JAK2: variants seen among roughly 807,000 people sequenced by gnomAD.
JAK2 encodes the protein tyrosine-protein kinase JAK2.
In JAK2, 86 loss-of-function variants were observed where a neutral mutation model predicts 139.3. That is an observed-to-expected ratio of 0.62 (90% CI 0.52 to 0.74). The LOEUF (loss-of-function observed/expected upper bound fraction) is 0.74. Ranked by LOEUF, JAK2 falls within the 30% of genes least tolerant of loss-of-function variation. The pLI, the probability that JAK2 is intolerant of heterozygous loss-of-function variation, is 0.00. For missense variants in JAK2, 1,421 were observed against 1,360.3 expected, an observed-to-expected ratio of 1.04 and a Z score of -0.70; for synonymous variants, 490 against 437.7, an observed-to-expected ratio of 1.12 and a Z score of -1.49.
chr9:5,021,960 C>T lies in JAK2; in HGVS notation c.-25-3C>T, dbSNP rs1587837137. On this transcript the variant is annotated splice_region_variant and splice_polypyrimidine_tract_variant and intron_variant, in intron 2 of 24. Coordinates refer to ENST00000381652, the MANE Select transcript of JAK2 (RefSeq NM_004972.4). ...TTTGTAACTTTATTGTTTTCTCTTA[C>T]AGGCAAATGTTCTGAAAAAGACTCT... The T allele has an allele frequency of 6.5e-7, 1 of 1,534,904 alleles. No homozygotes were observed. The highest frequency in any genetic ancestry group is 2.3e-5 in the East Asian group (1 of 44,410).
chr9:5,110,842 G>C (rs564717054), intron 22 of JAK2: 20 of 460,956 alleles, frequency 4.3e-5, no homozygotes, highest in African/African-American at 1.2e-4. Context: ...CGGGGAAGGT[G>C]GGGGGGACGC....
At chr9:5,024,379 A>G (rs887155208) in intron 3 of JAK2, among the ~76,000 whole-genome samples, 1 of 152,186 alleles carries the variant, frequency 6.6e-6, no homozygotes, top group African/African-American at 2.4e-5. Context: ...ATAATAGAAA[A>G]GAACAAAAAA....
intron 22 of JAK2, chr9:5,098,318 T>G (rs901959652): frequency 6.6e-6 from 1 of 152,256 alleles, no homozygotes; most frequent in African/African-American, 2.4e-5. Flanking sequence ...AGTTAAGTTA[T>G]AGGCTAAATC....
intron 2 of JAK2, among the ~76,000 whole-genome samples, chr9:5,007,226 C>G (rs1185228809): frequency 1.3e-5 from 2 of 152,068 alleles, no homozygotes; most frequent in African/African-American, 4.8e-5. Flanking sequence ...TTCTTCTCGT[C>G]TTGTGTATGA....
At chr9:4,988,420 T>C (rs1194598693) in intron 2 of JAK2, among the ~76,000 whole-genome samples, 4 of 152,302 alleles carry the variant, frequency 2.6e-5, no homozygotes, top group Non-Finnish European at 4.4e-5. Flanking sequence ...GATTCTAAGG[T>C]TTGATAAGTT....
intron 22 of JAK2, among the ~76,000 whole-genome samples, chr9:5,101,747 C>A (rs1431659152): frequency 6.6e-6 from 1 of 152,198 alleles, no homozygotes; most frequent in Admixed American, 6.5e-5. Flanking sequence ...ACTGCAGATA[C>A]CGAGGCAAAC....
chr9:5,008,832 T>A (rs1024033398), intron 2 of JAK2, among the ~76,000 whole-genome samples: 5 of 152,202 alleles, frequency 3.3e-5, no homozygotes, highest in Non-Finnish European at 7.3e-5. Context: ...TCGTCCTCCA[T>A]CTAGAGCTTC....
At chr9:5,069,537 C>T (rs1045704590) in intron 11 of JAK2, among the ~76,000 whole-genome samples, 12 of 151,850 alleles carry the variant, frequency 7.9e-5, no homozygotes, top group Admixed American at 7.9e-4. Context: ...ATTTTAATTT[C>T]TGTATTTTAA....
intron 3 of JAK2, among the ~76,000 whole-genome samples, chr9:5,026,858 T>C (rs1822816105): frequency 6.6e-6 from 1 of 152,246 alleles, no homozygotes; most frequent in South Asian, 2.1e-4. Context: ...AAATATCTTT[T>C]AAGAAATTAC....
intron 4 of JAK2, among the ~76,000 whole-genome samples, chr9:5,038,870 G>T (rs2130258940): frequency 6.6e-6 from 1 of 152,088 alleles, no homozygotes; most frequent in Admixed American, 6.5e-5. Flanking sequence ...ATCAATCAAT[G>T]TAATACACCA....
chr9:5,039,887 C>T (rs910142879), intron 4 of JAK2, among the ~76,000 whole-genome samples: 1 of 152,074 alleles, frequency 6.6e-6, no homozygotes, highest in Non-Finnish European at 1.5e-5. Context: ...GGCAATACTC[C>T]TTAATTGATC....
intron 10 of JAK2, among the ~76,000 whole-genome samples, chr9:5,067,593 T>A (rs1818655968): frequency 6.6e-6 from 1 of 151,994 alleles, no homozygotes; most frequent in Admixed American, 6.6e-5. Context: ...CTATCCTAAT[T>A]TCAAAGTATC....
chr9:5,075,079 A>G (rs989649623), intron 14 of JAK2, among the ~76,000 whole-genome samples: 1 of 152,018 alleles, frequency 6.6e-6, no homozygotes, highest in African/African-American at 2.4e-5. Context: ...CAAGATCTTA[A>G]TGCTCTTAAA....
Position 5,126,680 on chromosome 9 carries a change from A to G in JAK2, c.3292-4A>G, listed in dbSNP as rs1310414891. 1.9e-6 allele frequency: 3 copies of G among 1,594,706 alleles called. No individual in the cohort carries two copies. The highest frequency in any genetic ancestry group is 3.5e-5 in the Admixed American group (2 of 57,720). Reference sequence around the variant, plus strand: ...TTAATTTTGGTTTATTTTCTCCTTTACAGATCTATATGATCATGACAGAAT... The same window carrying G: ...TTAATTTTGGTTTATTTTCTCCTTTGCAGATCTATATGATCATGACAGAAT... On this transcript the variant is annotated splice_polypyrimidine_tract_variant and splice_region_variant and intron_variant, in intron 24 of 24. Transcript: ENST00000381652.
intron 4 of JAK2, among the ~76,000 whole-genome samples, chr9:5,032,184 G>C (rs1461171284): frequency 2.0e-5 from 3 of 152,224 alleles, no homozygotes; most frequent in Non-Finnish European, 1.5e-5. Context: ...ACTGCAAGGT[G>C]GCAGCGAGGC....
rs111829812 is a variant in JAK2 at position 5,105,465 on chromosome 9, A to G, written c.3059+14554A>G. On this transcript the variant is annotated intron_variant, in intron 22 of 24. Coordinates refer to ENST00000381652, the MANE Select transcript of JAK2 (RefSeq NM_004972.4). ...CCATGCTCATGGATAGGAAGAATCA[A>G]TATCGTGAAAATGGCGATACTGCCC... 4.8e-3 allele frequency among the ~76,000 whole-genome samples: 738 copies of G among 152,340 alleles called. 4 individuals are homozygous for G. Among genetic ancestry groups the G allele is most frequent in the African/African-American group, 0.016 (649 of 41,576 alleles).
At position 5,012,824 on chromosome 9, in the gene JAK2, A is replaced by G. The variant is rs543603835; in HGVS notation, c.-25-9139A>G. On this transcript the variant is annotated intron_variant, in intron 2 of 24. Coordinates refer to ENST00000381652, the MANE Select transcript of JAK2 (RefSeq NM_004972.4). ...TTGGAGAGGTAAGCAGCAAACAGAT[A>G]ATGGAATTTTAGTCTAAACATTCGT... Among the ~76,000 whole-genome samples, 21 of 152,296 alleles carry G rather than the reference A, an allele frequency of 1.4e-4. No individual in the cohort carries two copies. In the South Asian group the frequency reaches 4.4e-3, roughly 32 times the overall value.
At chr9:4,998,959 C>A (rs1367898877) in intron 2 of JAK2, among the ~76,000 whole-genome samples, 1 of 150,908 alleles carries the variant, frequency 6.6e-6, no homozygotes, top group South Asian at 2.1e-4. Flanking sequence ...GTAGCTGGGA[C>A]TACAGGTGCC....
Position 5,090,434 on chromosome 9 carries a change from TTA to T in JAK2, c.2762-10_2762-9del, listed in dbSNP as rs529050943. On this transcript the variant is annotated splice_polypyrimidine_tract_variant and intron_variant, in intron 20 of 24. Coordinates refer to ENST00000381652, the MANE Select transcript of JAK2 (RefSeq NM_004972.4). Reference sequence around the variant, plus strand: ...GCAGAGTAAAACATTATTTCCACCTTTATGTTAAAAGGTCGGCGTAATCTAAA... The same window carrying T: ...GCAGAGTAAAACATTATTTCCACCTTTGTTAAAAGGTCGGCGTAATCTAAA... 2.8e-4 allele frequency: 421 copies of T among 1,523,812 alleles called. 4 individuals carry two copies. In the South Asian group the frequency reaches 4.7e-3, roughly 17 times the overall value. The allele number at this position is 1,523,812 out of a possible 1,614,324, so 94.4% of individuals were successfully genotyped here. A position where few individuals can be genotyped will look rare whatever the true frequency, so the allele number is the denominator to read the frequency against.
Sources: gnomAD v4.1 joint callset for allele counts (sites outside exome capture counted in the v4.1 genomes callset) on GRCh38, gnomAD v4.1.1 for gene constraint, MANE v1.5 for transcripts, NCBI Gene and HGNC (gene_info 2026-07-23, HGNC 2026-07-21) for gene names.